CNTN5: variants seen among roughly 807,000 people sequenced by gnomAD.
The protein encoded by CNTN5 is contactin 5.
In CNTN5, 77 loss-of-function variants were observed where a neutral mutation model predicts 129.1. The observed-to-expected ratio is 0.60, with a 90% CI of 0.50 to 0.72. The LOEUF (loss-of-function observed/expected upper bound fraction) is 0.72, where lower values mean the gene tolerates loss of function less well. Ranked by LOEUF, CNTN5 falls within the 30% of genes least tolerant of loss-of-function variation. CNTN5 has a pLI of 0.00. For missense variants in CNTN5, 1,478 were observed against 1,328.8 expected (o/e 1.11, Z -1.75); for synonymous variants, 509 against 465.6 (o/e 1.09, Z -1.20).
chr11:99,507,479 T>G (rs1007379039), intron 2 of CNTN5, among the ~76,000 whole-genome samples: 5 of 152,090 alleles, frequency 3.3e-5, no homozygotes, highest in African/African-American at 1.2e-4. Flanking sequence ...TAATTTAATT[T>G]TAAAAGAATT....
intron 3 of CNTN5, among the ~76,000 whole-genome samples, chr11:99,644,545 T>G (rs1951881174): frequency 6.6e-6 from 1 of 152,168 alleles, no homozygotes; most frequent in African/African-American, 2.4e-5. Flanking sequence ...GTTTAAAATT[T>G]TTTCACAGAT....
At chr11:99,427,561 T>C (rs983069419) in intron 2 of CNTN5, among the ~76,000 whole-genome samples, 2 of 151,848 alleles carry the variant, frequency 1.3e-5, no homozygotes, top group Non-Finnish European at 2.9e-5. Context: ...GGTCAGGAGA[T>C]TGAGACCATC....
chr11:100,051,246 G>T (rs902963100), intron 9 of CNTN5, among the ~76,000 whole-genome samples: 2 of 151,910 alleles, frequency 1.3e-5, no homozygotes, highest in Non-Finnish European at 2.9e-5. Flanking sequence ...TATGTGTTGG[G>T]CCGTAAAACA....
At chr11:99,824,314 A>G (rs1946888069) in intron 4 of CNTN5, among the ~76,000 whole-genome samples, 1 of 151,994 alleles carries the variant, frequency 6.6e-6, no homozygotes, top group South Asian at 2.1e-4. Flanking sequence ...TCTCTTGAGT[A>G]TAGTATACCA....
chr11:99,798,923 G>A (rs1274251618), intron 3 of CNTN5, among the ~76,000 whole-genome samples: 4 of 152,098 alleles, frequency 2.6e-5, no homozygotes, highest in Non-Finnish European at 5.9e-5. Flanking sequence ...ATTTGTTTGT[G>A]TCATCTATGA....
intron 2 of CNTN5, among the ~76,000 whole-genome samples, chr11:99,452,053 T>A (rs964451744): frequency 6.6e-6 from 1 of 152,072 alleles, no homozygotes. Flanking sequence ...TAAATATCAA[T>A]TTTTCATAGA....
intron 1 of CNTN5, among the ~76,000 whole-genome samples, chr11:99,277,670 T>A (rs1227127187): frequency 6.6e-6 from 1 of 151,716 alleles, no homozygotes; most frequent in Admixed American, 6.6e-5. Context: ...TTATAACTCC[T>A]CTAGTCAAAG....
intron 6 of CNTN5, among the ~76,000 whole-genome samples, chr11:99,864,068 T>G (rs991967685): frequency 3.3e-5 from 5 of 152,206 alleles, no homozygotes; most frequent in Non-Finnish European, 7.4e-5. Flanking sequence ...CTCACGGATG[T>G]ATCTCAAGTG....
intron 6 of CNTN5, among the ~76,000 whole-genome samples, chr11:99,864,564 G>A (rs28694292): frequency 0.39 from 58,665 of 151,922 alleles, 11,836 homozygotes; most frequent in Middle Eastern, 0.56. Context: ...TTTCTCAGCT[G>A]CCTGGCATGC....
At chr11:99,382,401 G>T (rs1338305086) in intron 2 of CNTN5, among the ~76,000 whole-genome samples, 1 of 152,126 alleles carries the variant, frequency 6.6e-6, no homozygotes, top group Admixed American at 6.6e-5. Flanking sequence ...AGAGAGAAAA[G>T]TGAAAATATC....
chr11:100,140,200 C>A (rs570326986), intron 13 of CNTN5, among the ~76,000 whole-genome samples: 3 of 152,184 alleles, frequency 2.0e-5, no homozygotes, highest in Non-Finnish European at 4.4e-5. Flanking sequence ...GTATTAGGAG[C>A]TTACTTGAGT....
chr11:99,459,477 T>C (rs1347329420), intron 2 of CNTN5, among the ~76,000 whole-genome samples: 2 of 151,978 alleles, frequency 1.3e-5, no homozygotes, highest in Non-Finnish European at 1.5e-5. Flanking sequence ...TATTAGAATA[T>C]GCCATTACAA....
intron 2 of CNTN5, among the ~76,000 whole-genome samples, chr11:99,433,012 G>GAA (rs202138426): frequency 0.18 from 23,744 of 135,540 alleles, 2,249 homozygotes; most frequent in Admixed American, 0.23. Flanking sequence ...TGATTACCAG[G>GAA]AAAAAAAAAA....
intron 2 of CNTN5, among the ~76,000 whole-genome samples, chr11:99,472,246 T>C (rs1945205138): frequency 6.6e-6 from 1 of 152,176 alleles, no homozygotes; most frequent in African/African-American, 2.4e-5. Context: ...TATGGCTGGC[T>C]CATCATTTTC....
chr11:100,058,521 G>T (rs1023097579), intron 9 of CNTN5, among the ~76,000 whole-genome samples: 2 of 152,012 alleles, frequency 1.3e-5, no homozygotes, highest in African/African-American at 4.8e-5. Flanking sequence ...TCTATTAAAA[G>T]AATAATATGT....
intron 2 of CNTN5, among the ~76,000 whole-genome samples, chr11:99,406,460 C>A (rs1485887980): frequency 6.6e-6 from 1 of 152,102 alleles, no homozygotes; most frequent in African/African-American, 2.4e-5. Flanking sequence ...GACACAAGCT[C>A]CCCTGTGGCC....
intron 2 of CNTN5, among the ~76,000 whole-genome samples, chr11:99,380,168 T>C (rs372500255): frequency 3.6e-4 from 54 of 152,052 alleles, no homozygotes; most frequent in African/African-American, 1.2e-3. Context: ...AGTATTCCTG[T>C]GGCCAAGTAA....
chr11:99,794,994 T>C (rs1364828208), intron 3 of CNTN5, among the ~76,000 whole-genome samples: 2 of 152,236 alleles, frequency 1.3e-5, no homozygotes, highest in Admixed American at 1.3e-4. Flanking sequence ...GAAATTTTAA[T>C]GGAGGATATC....
intron 17 of CNTN5, among the ~76,000 whole-genome samples, chr11:100,264,570 T>C (rs1445838598): frequency 2.0e-5 from 3 of 152,340 alleles, no homozygotes; most frequent in Middle Eastern, 6.8e-3. Flanking sequence ...CTCATTCTTT[T>C]TTCATGACTA....
Sources: allele counts gnomAD v4.1 joint callset (sites outside exome capture counted in the v4.1 genomes callset), GRCh38; gene constraint gnomAD v4.1.1; transcripts MANE v1.5; gene names NCBI Gene and HGNC (gene_info 2026-07-23, HGNC 2026-07-21).